The following RPS6KC1 variants were observed in gnomAD, a reference collection of about 807,000 sequenced individuals.
The protein encoded by RPS6KC1 is ribosomal protein S6 kinase C1, also known as inactive ribosomal protein S6 kinase delta-1.
A neutral mutation model predicts 103.8 loss-of-function variants in RPS6KC1; 54 were observed. The observed-to-expected ratio is 0.52, with a 90% CI of 0.42 to 0.65. The LOEUF (loss-of-function observed/expected upper bound fraction) is 0.65, where lower values mean the gene tolerates loss of function less well. Among genes scored for constraint, RPS6KC1 ranks in the 30% least tolerant of loss-of-function variants. RPS6KC1 has a pLI of 0.00. For synonymous variants in RPS6KC1, 439 were observed against 438.7 expected (o/e 1.00, Z -0.01); for missense variants, 1,151 against 1,253.8 (o/e 0.92, Z 1.24).
At chr1:213,609,892 C>CCTTT in the RPS6KC1 span, among the ~76,000 whole-genome samples, 1 of 151,514 alleles carries the variant, frequency 6.6e-6, no homozygotes, top group Non-Finnish European at 1.5e-5. Context: ...GAGAGTATAA[C>CCTTT]CTTTCAGATG....
At chr1:213,807,139 C>T in the RPS6KC1 span, among the ~76,000 whole-genome samples, 5 of 152,086 alleles carry the variant, frequency 3.3e-5, no homozygotes, top group East Asian at 1.9e-4. Context: ...GAGTTTCTGC[C>T]GAGAGATCTG....
chr1:213,616,651 A>G, the RPS6KC1 span, among the ~76,000 whole-genome samples: 3 of 152,210 alleles, frequency 2.0e-5, no homozygotes, highest in Admixed American at 6.5e-5. Flanking sequence ...TCTCTAAAAA[A>G]TAATAAAATC....
the RPS6KC1 span, among the ~76,000 whole-genome samples, chr1:213,435,842 T>C: frequency 6.6e-6 from 1 of 152,210 alleles, no homozygotes. Context: ...GCTATCTCTC[T>C]GCCCCAGCCC....
intron 12 of RPS6KC1, among the ~76,000 whole-genome samples, chr1:213,244,054 T>A (rs1009841386): frequency 1.3e-5 from 2 of 152,320 alleles, no homozygotes; most frequent in Admixed American, 6.5e-5. Context: ...TAAGACTGTT[T>A]GGTTTTTGTT....
Position 213,273,701 on chromosome 1 carries a change from T to C in RPS6KC1, c.*1067T>C, listed in dbSNP as rs929499365. Reference sequence around the variant, plus strand: ...CAGATTTGAACTAATCTATTTGACGTGATTTAGAAAGAATGTAAGTATTCA... The same window carrying C: ...CAGATTTGAACTAATCTATTTGACGCGATTTAGAAAGAATGTAAGTATTCA... On this transcript the variant is annotated 3_prime_UTR_variant, in exon 15 of 15. Transcript: ENST00000366960. The C allele has an allele frequency of 6.6e-6, 1 of 152,420 alleles. No homozygotes were observed. The highest frequency in any genetic ancestry group is 2.4e-5 in the African/African-American group (1 of 41,600). The allele number at this position is 152,420 out of a possible 1,614,324, so 9.4% of individuals were successfully genotyped here.
chr1:213,493,140 C>G, the RPS6KC1 span, among the ~76,000 whole-genome samples: 6 of 152,270 alleles, frequency 3.9e-5, no homozygotes, highest in African/African-American at 1.4e-4. Context: ...ATCTGACTCC[C>G]TTTTCCATAA....
the RPS6KC1 span, among the ~76,000 whole-genome samples, chr1:213,711,385 T>C: frequency 1.3e-5 from 2 of 152,220 alleles, no homozygotes; most frequent in Admixed American, 1.3e-4. Context: ...TTCTGTAAAC[T>C]GCTCATTCTA....
chr1:213,542,936 A>G, the RPS6KC1 span, among the ~76,000 whole-genome samples: 5 of 152,208 alleles, frequency 3.3e-5, no homozygotes, highest in South Asian at 2.1e-4. Context: ...CCCTTATGCT[A>G]CAGTGGGACA....
chr1:213,405,011 G>A, the RPS6KC1 span, among the ~76,000 whole-genome samples: 12 of 152,336 alleles, frequency 7.9e-5, no homozygotes, highest in Non-Finnish European at 1.2e-4. Context: ...ATTCTGCGGC[G>A]TAACCCAATC....
the RPS6KC1 span, among the ~76,000 whole-genome samples, chr1:213,477,481 A>T: frequency 6.6e-6 from 1 of 152,026 alleles, no homozygotes; most frequent in African/African-American, 2.4e-5. Flanking sequence ...CTGAGGTTTT[A>T]GAAGTGTAAA....
At chr1:213,177,007 A>T (rs981369418) in intron 8 of RPS6KC1, among the ~76,000 whole-genome samples, 3 of 152,218 alleles carry the variant, frequency 2.0e-5, no homozygotes, top group Admixed American at 2.0e-4. Flanking sequence ...CCAAAGTCAC[A>T]TAGCTAATTT....
At chr1:213,805,208 G>A in the RPS6KC1 span, among the ~76,000 whole-genome samples, 5 of 152,138 alleles carry the variant, frequency 3.3e-5, no homozygotes, top group Non-Finnish European at 5.9e-5. Context: ...TGAGGGTTAG[G>A]GTGGCTGTGA....
chr1:213,529,159 C>A, the RPS6KC1 span, among the ~76,000 whole-genome samples: 3 of 150,338 alleles, frequency 2.0e-5, no homozygotes, highest in Non-Finnish European at 4.4e-5. Flanking sequence ...GTAGTAAGTG[C>A]CATAAATGGG....
the RPS6KC1 span, among the ~76,000 whole-genome samples, chr1:213,473,887 G>C: frequency 6.6e-6 from 1 of 152,156 alleles, no homozygotes; most frequent in Non-Finnish European, 1.5e-5. Context: ...AGTGGGAAGT[G>C]CATTTCAGAA....
chr1:213,483,567 AG>A, the RPS6KC1 span, among the ~76,000 whole-genome samples: 1 of 152,160 alleles, frequency 6.6e-6, no homozygotes, highest in Non-Finnish European at 1.5e-5. Flanking sequence ...ACTTTTTCAA[AG>A]GGGTTTTCAG....
At chr1:213,294,434 T>C in the RPS6KC1 span, among the ~76,000 whole-genome samples, 1 of 152,204 alleles carries the variant, frequency 6.6e-6, no homozygotes, top group Non-Finnish European at 1.5e-5. Context: ...CTGATGTCAG[T>C]TGCAGACTCA....
At chr1:213,672,513 G>A in the RPS6KC1 span, among the ~76,000 whole-genome samples, 1 of 152,162 alleles carries the variant, frequency 6.6e-6, no homozygotes, top group Admixed American at 6.5e-5. Flanking sequence ...TCAGATGTTA[G>A]ATTATCTTAG....
At chr1:213,546,317 A>G in the RPS6KC1 span, 2 of 152,212 alleles carry the variant, frequency 1.3e-5, no homozygotes, top group African/African-American at 4.8e-5. Context: ...GTCCATTCTC[A>G]CCATGAGAAG....
At chr1:213,605,544 T>G in the RPS6KC1 span, among the ~76,000 whole-genome samples, 1 of 152,214 alleles carries the variant, frequency 6.6e-6, no homozygotes, top group Non-Finnish European at 1.5e-5. Context: ...GTGAGGTGAT[T>G]GTACTGATCT....
Sources: gnomAD v4.1 joint callset for allele counts (sites outside exome capture counted in the v4.1 genomes callset) on GRCh38, gnomAD v4.1.1 for gene constraint, MANE v1.5 for transcripts, NCBI Gene and HGNC (gene_info 2026-07-23, HGNC 2026-07-21) for gene names.